Variants in SEC24B observed in about 807,000 individuals in gnomAD.
The protein encoded by SEC24B is SEC24 homolog B, COPII component.
Under a neutral mutation model 142.8 loss-of-function variants are expected in SEC24B, and 45 were observed. The ratio of observed to expected loss-of-function variants is 0.32; its 90% CI spans 0.25 to 0.40. SEC24B has a LOEUF of 0.40. SEC24B is among the 10% of genes least tolerant of loss of function. The pLI is 1.00. For missense variants in SEC24B, 1,409 were observed against 1,526.8 expected, an observed-to-expected ratio of 0.92 and a Z score of 1.29; for synonymous variants, 574 against 568.2, an observed-to-expected ratio of 1.01 and a Z score of -0.15.
chr4:109,436,636 T>C (rs1438732175), intron 1 of SEC24B, among the ~76,000 whole-genome samples: 1 of 152,234 alleles, frequency 6.6e-6, no homozygotes, highest in Non-Finnish European at 1.5e-5. Flanking sequence ...TTTGTGCTAA[T>C]GAGATGACTT....
chr4:109,460,646 G>A (rs34482781), intron 1 of SEC24B, among the ~76,000 whole-genome samples: 26,522 of 151,858 alleles, frequency 0.17, 2,610 homozygotes, highest in African/African-American at 0.27. Context: ...TAAACATCTT[G>A]ACTTTTGTGG....
In SEC24B at chr4:109,470,031, T is replaced by G. The variant is rs186706137; in HGVS notation, c.878-2973T>G. Among the ~76,000 whole-genome samples, 552 of 152,228 alleles carry G rather than the reference T, an allele frequency of 3.6e-3. 4 individuals are homozygous for G. Among genetic ancestry groups the G allele is most frequent in the Non-Finnish European group, 4.8e-3 (328 of 67,992 alleles). On this transcript the variant is annotated intron_variant, in intron 2 of 23. Coordinates refer to ENST00000265175, the MANE Select transcript of SEC24B (RefSeq NM_006323.5). The stretch of plus-strand genomic sequence containing the variant: ...CATTAATAAACAGTGAAAAGCAAAT[T>G]AAAACTAGAATGGGATATCATCTTA...
At chr4:109,517,382 C>G (rs570569345) in intron 11 of SEC24B, among the ~76,000 whole-genome samples, 2 of 152,086 alleles carry the variant, frequency 1.3e-5, no homozygotes, top group Non-Finnish European at 1.5e-5. Context: ...ATTGCGTGTT[C>G]TCATTCATTG....
intron 4 of SEC24B, among the ~76,000 whole-genome samples, chr4:109,489,125 A>T (rs953829641): frequency 9.9e-5 from 15 of 152,264 alleles, no homozygotes; most frequent in African/African-American, 2.9e-4. Context: ...AGTCCAAATT[A>T]TCTTTTTTCT....
intron 3 of SEC24B, among the ~76,000 whole-genome samples, chr4:109,475,156 G>A (rs1732975718): frequency 6.6e-6 from 1 of 152,168 alleles, no homozygotes; most frequent in African/African-American, 2.4e-5. Flanking sequence ...TAAGTTTCTT[G>A]CTTAAGTAAC....
chr4:109,540,278 T>G lies in SEC24B; in HGVS notation c.*603T>G, dbSNP rs1726044348. On this transcript the variant is annotated 3_prime_UTR_variant, in exon 24 of 24. Coordinates refer to ENST00000265175, the MANE Select transcript of SEC24B (RefSeq NM_006323.5). The stretch of plus-strand genomic sequence containing the variant: ...AATGTAACTATAGCATATGAATTGC[T>G]TAAACTGTGCTGCATTGTTGGATGA... 6.5e-6 allele frequency: 1 copy of G among 152,712 alleles called. No homozygotes were observed. Among genetic ancestry groups the G allele is most frequent in the Non-Finnish European group, 1.5e-5 (1 of 68,068 alleles). 9.5% of individuals were successfully genotyped at this position (152,712 alleles called of 1,614,324 possible). A position where few individuals can be genotyped will look rare whatever the true frequency, so the allele number is the denominator to read the frequency against.
At chr4:109,534,248 A>G (rs1256892487) in intron 22 of SEC24B, among the ~76,000 whole-genome samples, 1 of 151,396 alleles carries the variant, frequency 6.6e-6, no homozygotes, top group Non-Finnish European at 1.5e-5. Context: ...AAAAAAGGAA[A>G]CCATGCAGAT....
chr4:109,436,271 TG>T (rs748218692), intron 1 of SEC24B, among the ~76,000 whole-genome samples: 1 of 152,102 alleles, frequency 6.6e-6, no homozygotes, highest in Non-Finnish European at 1.5e-5. Context: ...CTTTTTGTTT[TG>T]TTTGCTAATC....
At chr4:109,445,885 CA>C (rs1176388939) in intron 1 of SEC24B, among the ~76,000 whole-genome samples, 4 of 151,740 alleles carry the variant, frequency 2.6e-5, no homozygotes, top group Admixed American at 1.3e-4. Context: ...TTTAGTTTTT[CA>C]GTGATTATTT....
In SEC24B at chr4:109,540,881, TAA is replaced by T. The variant is rs372280403; in HGVS notation, c.*1220_*1221del. 0.05 allele frequency: 6,980 copies of T among 139,650 alleles called. 176 individuals carry two copies. The highest frequency in any genetic ancestry group is 0.074 in the African/African-American group (2,830 of 38,142). The allele number at this position is 139,650 out of a possible 1,614,324, so 8.7% of individuals were successfully genotyped here. On this transcript the variant is annotated 3_prime_UTR_variant, in exon 24 of 24. Coordinates refer to ENST00000265175, the MANE Select transcript of SEC24B (RefSeq NM_006323.5). ...TGGGCAACAGAGTGAGACTCCATCTTAAAAAAAAAAAAAAAGTAATATATATG... is the reference window on the plus strand; with the variant it reads ...TGGGCAACAGAGTGAGACTCCATCTTAAAAAAAAAAAAAGTAATATATATG...
intron 14 of SEC24B, among the ~76,000 whole-genome samples, chr4:109,523,465 G>A (rs201105838): frequency 4.0e-5 from 6 of 150,832 alleles, no homozygotes; most frequent in Admixed American, 2.6e-4. Flanking sequence ...AGCGAGACCC[G>A]GTCTCAAAAA....
chr4:109,514,726 A>G lies in SEC24B; in HGVS notation c.2013+870A>G, dbSNP rs571703728. Among the ~76,000 whole-genome samples the G allele has an allele frequency of 5.3e-5, 8 of 152,190 alleles. No homozygotes were observed. In the South Asian group the frequency reaches 6.2e-4, roughly 12 times the overall value. On this transcript the variant is annotated intron_variant, in intron 10 of 23. Coordinates refer to ENST00000265175, the MANE Select transcript of SEC24B (RefSeq NM_006323.5). ...AACAAACAAACAAACTCAAAAAACT[A>G]TATCTTCTGTAGCTACAACTCTAAT...
At chr4:109,448,669 C>G (rs1729724398) in intron 1 of SEC24B, among the ~76,000 whole-genome samples, 1 of 152,122 alleles carries the variant, frequency 6.6e-6, no homozygotes, top group Non-Finnish European at 1.5e-5. Flanking sequence ...TCTCGAACTC[C>G]TGACCTGCCC....
intron 11 of SEC24B, among the ~76,000 whole-genome samples, chr4:109,517,717 C>T (rs1356387972): frequency 6.6e-6 from 1 of 152,054 alleles, no homozygotes; most frequent in Non-Finnish European, 1.5e-5. Context: ...CAGATACATA[C>T]AATCTTATCT....
intron 3 of SEC24B, among the ~76,000 whole-genome samples, chr4:109,480,736 C>T (rs538299829): frequency 8.5e-4 from 129 of 152,330 alleles, no homozygotes; most frequent in Non-Finnish European, 1.5e-3. Context: ...ACCTTGGCCT[C>T]CCAAAGTGCT....
At chr4:109,518,435 A>G (rs1342316411) in intron 11 of SEC24B, among the ~76,000 whole-genome samples, 2 of 152,186 alleles carry the variant, frequency 1.3e-5, no homozygotes, top group African/African-American at 4.8e-5. Context: ...CTTGTTATAT[A>G]TGAATACTTT....
chr4:109,453,110 CA>C (rs1180597977), intron 1 of SEC24B, among the ~76,000 whole-genome samples: 1 of 152,082 alleles, frequency 6.6e-6, no homozygotes, highest in Non-Finnish European at 1.5e-5. Context: ...TAGCAATTTT[CA>C]AAGGGGAGGG....
rs1449030438 is a variant in SEC24B, at chr4:109,433,909, G to T, written c.40G>T (p.Ala14Ser). ...CGGGTCCTCTCACCCGGCCGCCAGC[G>T]CCCGGATCCCGCCCAAGTTCGGCGG... ...PAGSSHPAAS[A>S]RIPPKFGGAA... is the part of the protein sequence containing the mutation. Residue 14 changes from alanine to serine, a missense_variant, in exon 1 of 24, where the codon GCC (alanine) becomes TCC (serine). Around this residue, in one of 2 missense-constraint regions of SEC24B, gnomAD observed 709 missense variants for 673.5 expected, o/e 1.05. Transcript: ENST00000265175. 5.2e-6 allele frequency: 7 copies of T among 1,335,244 alleles called. No individual in the cohort carries two copies. In the African/African-American group the frequency reaches 6.1e-5, roughly 12 times the overall value. The allele number at this position is 1,335,244 out of a possible 1,614,324, so 82.7% of individuals were successfully genotyped here. A position where few individuals can be genotyped will look rare whatever the true frequency, so the allele number is the denominator to read the frequency against.
intron 7 of SEC24B, among the ~76,000 whole-genome samples, chr4:109,508,334 G>A (rs920655921): frequency 6.6e-6 from 1 of 152,126 alleles, no homozygotes; most frequent in African/African-American, 2.4e-5. Context: ...GGAAGGCAAG[G>A]CAGGTGGATC....
Sources: allele counts gnomAD v4.1 joint callset (sites outside exome capture counted in the v4.1 genomes callset), GRCh38; gene constraint gnomAD v4.1.1; regional missense constraint gnomAD v4.1.1; transcripts MANE v1.5; gene names NCBI Gene and HGNC (gene_info 2026-07-23, HGNC 2026-07-21).